Variants in TREML1 observed in about 807,000 individuals in gnomAD.
TREML1 encodes the protein triggering receptor expressed on myeloid cells like 1.
In TREML1, 27 loss-of-function variants were observed where a neutral mutation model predicts 22.8. The ratio of observed to expected loss-of-function variants is 1.19; its 90% CI spans 0.87 to 1.64. TREML1 has a LOEUF of 1.64. TREML1 is among the 40% of genes most tolerant of loss of function. The pLI is 0.00. For synonymous variants in TREML1, 153 were observed against 161.9 expected, an observed-to-expected ratio of 0.94 and a Z score of 0.42; for missense variants, 356 against 382.0, an observed-to-expected ratio of 0.93 and a Z score of 0.57.
At chr6:41,151,687 C>G in intron 2 of TREML1, 1 of 401,088 alleles carries the variant, frequency 2.5e-6, no homozygotes, top group South Asian at 2.5e-5. Context: ...TGCTCTACCC[C>G]TCACCCCTCT....
chr6:41,154,278 G>T lies in TREML1; in HGVS notation c.11C>A (p.Thr4Asn), dbSNP rs2113871980. ...TCCCAGGAGCAGCAGCAAGAGCAGG[G>T]TGAGGCCCATGGCTGGGCAGAGAAA... Reference protein sequence around the residue: MGLTLLLLLLLGLE... With the variant: MGLNLLLLLLLGLE... Residue 4 changes from threonine (T) to asparagine (N), a missense_variant, in exon 1 of 6, where the codon ACC (threonine) becomes AAC (asparagine). By Grantham distance (65) the Thr-to-Asn change is moderately conservative (BLOSUM62 0). Transcript: ENST00000426005. 2 of 1,614,076 alleles carry T rather than the reference G, an allele frequency of 1.2e-6. 1 individual carries two copies. Among genetic ancestry groups the T allele is most frequent in the South Asian group, 2.2e-5 (2 of 91,088 alleles).
At chr6:41,152,748 C>T (rs1369949364) in intron 2 of TREML1, among the ~76,000 whole-genome samples, 1 of 152,060 alleles carries the variant, frequency 6.6e-6, no homozygotes, top group Non-Finnish European at 1.5e-5. Flanking sequence ...TGGTGGGCAC[C>T]TGTAGTCCCA....
chr6:41,149,520 A>G lies in TREML1; in HGVS notation c.*84T>C, dbSNP rs1487997028. On this transcript the variant is annotated 3_prime_UTR_variant, in exon 6 of 6. Coordinates refer to ENST00000426005, the MANE Select transcript of TREML1 (RefSeq NM_178174.4). ...AAGTCCCTGGTTGCTCAGATATCCT[A>G]AGGATCCTAGGGCATGAGCTGGCTG... 2 of 1,433,006 alleles carry G rather than the reference A, an allele frequency of 1.4e-6. No homozygotes were observed. The highest frequency in any genetic ancestry group is 2.2e-5 in the Admixed American group (1 of 46,064). The allele number at this position is 1,433,006 out of a possible 1,614,324, so 88.8% of individuals were successfully genotyped here. A position where few individuals can be genotyped will look rare whatever the true frequency, so the allele number is the denominator to read the frequency against.
upstream of TREML1, among the ~76,000 whole-genome samples, chr6:41,154,903 T>C (rs891582573): frequency 2.0e-5 from 3 of 152,206 alleles, no homozygotes; most frequent in African/African-American, 7.2e-5. Context: ...TAATTACATG[T>C]CCATTTTCTT....
intron 3 of TREML1, among the ~76,000 whole-genome samples, 166 bp downstream of exon 3, chr6:41,151,116 G>A (rs1158771628): frequency 6.6e-6 from 1 of 152,200 alleles, no homozygotes; most frequent in Non-Finnish European, 1.5e-5. Flanking sequence ...CACCATTGCT[G>A]ACCCAGGACA....
At chr6:41,152,387 T>A (rs187971531) in intron 2 of TREML1, among the ~76,000 whole-genome samples, 12 of 151,914 alleles carry the variant, frequency 7.9e-5, no homozygotes, top group Admixed American at 6.5e-4. Flanking sequence ...TCCCAGGGAG[T>A]CTCATCTTGT....
At chr6:41,150,497 A>G (rs1765216928) in intron 4 of TREML1, among the ~76,000 whole-genome samples, 184 bp from the exon 5 acceptor site, 1 of 151,114 alleles carries the variant, frequency 6.6e-6, no homozygotes, top group Non-Finnish European at 1.5e-5. Context: ...CCACCCACTT[A>G]CTGCTTCCAG....
chr6:41,151,867 C>G (rs1408995875), intron 2 of TREML1, among the ~76,000 whole-genome samples: 1 of 152,182 alleles, frequency 6.6e-6, no homozygotes, highest in Non-Finnish European at 1.5e-5. Context: ...ACCCTGCAAC[C>G]CTAGCCCAAG....
chr6:41,152,153 C>CT (rs1435477071), intron 2 of TREML1, among the ~76,000 whole-genome samples: 1 of 152,204 alleles, frequency 6.6e-6, no homozygotes, highest in Admixed American at 6.5e-5. Context: ...ACTCCCCATC[C>CT]TATGCCACAC....
chr6:41,151,456 C>G (rs1197689066), intron 2 of TREML1, 72 bp from the exon 3 acceptor site: 1 of 1,390,358 alleles, frequency 7.2e-7, no homozygotes, highest in African/African-American at 1.4e-5. Flanking sequence ...GCTTCAATAT[C>G]CTGTTGAGGT....
rs750573349 is a variant in TREML1, at chr6:41,153,854, G to T, written c.280C>A (p.Leu94Met). 1.2e-6 allele frequency: 2 copies of T among 1,614,174 alleles called. No homozygotes were observed. The highest frequency in any genetic ancestry group is 4.5e-5 in the East Asian group (2 of 44,882). The change falls in exon 2 of 6, where the codon CTG becomes ATG. Residue 94 changes from leucine to methionine, a missense_variant. Leu to Met is a conservative substitution (Grantham distance 15). Transcript: ENST00000426005. ...GGLLQVEMVT[L>M]QEEDAGEYGC... Reference sequence around the variant, plus strand: ...TACTCGCCAGCATCCTCTTCCTGCAGGGTAACCATTTCCACCTGCAGCAGG... The same window carrying T: ...TACTCGCCAGCATCCTCTTCCTGCATGGTAACCATTTCCACCTGCAGCAGG...
rs1358067962 is a variant in TREML1 at position 41,153,717 on chromosome 6, G to T, written c.376+41C>A. 4 of 1,538,540 alleles carry T rather than the reference G, an allele frequency of 2.6e-6. No homozygotes were observed. The South Asian group carries it at 3.8e-5, about 14-fold the overall frequency. ...CCCTGGCAATAGGCGGGGGTGGGGA[G>T]GGTAGGTCTAAGGGGTGGTAGCTGG... On this transcript the variant is annotated intron_variant, in intron 2 of 5. Coordinates refer to ENST00000426005, the MANE Select transcript of TREML1 (RefSeq NM_178174.4).
intron 2 of TREML1, 91 bp downstream of exon 2, chr6:41,153,667 C>T: frequency 3.0e-6 from 4 of 1,351,030 alleles, no homozygotes; most frequent in East Asian, 2.3e-5. Context: ...TCCCCAGGGG[C>T]CCCCACTCCT....
intron 3 of TREML1, 45 bp downstream of exon 3, chr6:41,151,237 A>G (rs771342526): frequency 6.5e-7 from 1 of 1,530,550 alleles, no homozygotes; most frequent in South Asian, 1.1e-5. Flanking sequence ...CATTGTCTCC[A>G]CCACCACCCT....
In TREML1 at chr6:41,150,815, C is replaced by T. The variant is rs769578123; in HGVS notation, c.568+4G>A. On this transcript the variant is annotated splice_donor_region_variant and intron_variant, in intron 4 of 5. Transcript: ENST00000426005. ...CAGGCTGAGATAGGAAGATAGCCAC[C>T]TACCTTGTTTCCTCTTGGCCATCAC... The T allele has an allele frequency of 6.2e-7, 1 of 1,613,726 alleles. No individual in the cohort carries two copies. Among genetic ancestry groups the T allele is most frequent in the African/African-American group, 1.3e-5 (1 of 74,912 alleles).
rs750080034 is a variant in TREML1, at chr6:41,151,394, C to A, written c.377-10G>T. ...GTCTCTTCTTCTTCCTCTGTCAGGCCAGGAATGGAGTCAGAAGGAAACATT... is the reference window on the plus strand; with the variant it reads ...GTCTCTTCTTCTTCCTCTGTCAGGCAAGGAATGGAGTCAGAAGGAAACATT... On this transcript the variant is annotated splice_polypyrimidine_tract_variant and intron_variant, in intron 2 of 5. Coordinates refer to ENST00000426005, the MANE Select transcript of TREML1 (RefSeq NM_178174.4). 2 of 1,612,362 alleles carry A rather than the reference C, an allele frequency of 1.2e-6. No homozygotes were observed. Among genetic ancestry groups the A allele is most frequent in the South Asian group, 2.2e-5 (2 of 91,046 alleles).
intron 2 of TREML1, chr6:41,151,681 C>T (rs538994977): frequency 2.0e-4 from 83 of 416,346 alleles, no homozygotes; most frequent in African/African-American, 1.5e-3. Flanking sequence ...TTTACCTGCT[C>T]TACCCCTCAC....
At position 41,149,377 on chromosome 6, in the gene TREML1, G is replaced by A. The variant is rs1198414695; in HGVS notation, c.*227C>T. The A allele has an allele frequency of 7.5e-6, 4 of 535,942 alleles. No homozygotes were observed. The Admixed American group carries it at 9.8e-5, about 13-fold the overall frequency. 33.2% of individuals were successfully genotyped at this position (535,942 alleles called of 1,614,324 possible). On this transcript the variant is annotated 3_prime_UTR_variant, in exon 6 of 6. Coordinates refer to ENST00000426005, the MANE Select transcript of TREML1 (RefSeq NM_178174.4). Reference sequence around the variant, plus strand: ...ATTATTAGGGTTTATTTAGCCCAGTGTGTAATGGTAGAAGAACCAGTGGGG... The same window carrying A: ...ATTATTAGGGTTTATTTAGCCCAGTATGTAATGGTAGAAGAACCAGTGGGG...
chr6:41,150,950 G>A (rs1385129099), intron 3 of TREML1, 43 bp from the exon 4 acceptor site: 2 of 1,565,024 alleles, frequency 1.3e-6, no homozygotes, highest in Non-Finnish European at 1.8e-6. Flanking sequence ...CCTGAAGCCT[G>A]TGGGGAGCTG....
Sources: gnomAD v4.1 joint callset for allele counts (sites outside exome capture counted in the v4.1 genomes callset) on GRCh38, gnomAD v4.1.1 for gene constraint, MANE v1.5 for transcripts, NCBI Gene and HGNC (gene_info 2026-07-23, HGNC 2026-07-21) for gene names.